NKIRAS1: variants seen among roughly 807,000 people sequenced by gnomAD.
The protein encoded by NKIRAS1 is NFKB inhibitor interacting Ras like 1.
Under a neutral mutation model 19.8 loss-of-function variants are expected in NKIRAS1, and 16 were observed. That is an observed-to-expected ratio of 0.81 (90% CI 0.55 to 1.23). NKIRAS1 has a LOEUF of 1.23. Among genes scored for constraint, NKIRAS1 ranks in the 50% most tolerant of loss-of-function variants. The probability of loss-of-function intolerance (pLI) is 0.00; values close to 1 mark genes in which losing one functional copy is unlikely to be tolerated. For missense variants in NKIRAS1, 184 were observed against 220.0 expected, an observed-to-expected ratio of 0.84 and a Z score of 1.04; for synonymous variants, 88 against 79.0, an observed-to-expected ratio of 1.11 and a Z score of -0.61.
rs368322926 is a variant in NKIRAS1 at position 23,926,252 on chromosome 3, G to A, written c.-139-14802C>T. On this transcript the variant is annotated intron_variant, in intron 1 of 4. Transcript: ENST00000421515. This position sits in a 1 kb window ranked among gnomAD's most constrained non-coding sequence, Gnocchi z 4.3. ...TTTTTAGTAGAGACAGGGTTTCGCC[G>A]TGTTGGCCAGGCTGGTCTCAAACGC... Among the ~76,000 whole-genome samples, 6 of 152,104 alleles carry A rather than the reference G, an allele frequency of 3.9e-5. No individual in the cohort carries two copies. The highest frequency in any genetic ancestry group is 9.6e-5 in the African/African-American group (4 of 41,486).
chr3:23,917,644 G>T (rs976957086), upstream of NKIRAS1: 5 of 527,454 alleles, frequency 9.5e-6, no homozygotes, highest in African/African-American at 3.9e-5. Context: ...GCCGAGCACC[G>T]CTCTGTGCTG....
At chr3:23,946,062 C>T (rs914172102) in intron 1 of NKIRAS1, 11 of 972,910 alleles carry the variant, frequency 1.1e-5, no homozygotes, top group African/African-American at 1.1e-4. Context: ...GGGAGCGCCG[C>T]AGCCTCCCGG....
chr3:23,896,064 GGCAGAGCTT>G (rs1285520103), intron 4 of NKIRAS1, among the ~76,000 whole-genome samples: 1 of 144,286 alleles, frequency 6.9e-6, no homozygotes, highest in Non-Finnish European at 1.5e-5. Flanking sequence ...GAACCCGAGA[GGCAGAGCTT>G]GCAGTGAGCC....
At chr3:23,909,840 G>A (rs1369401948) in intron 3 of NKIRAS1, among the ~76,000 whole-genome samples, 1 of 150,528 alleles carries the variant, frequency 6.6e-6, no homozygotes, top group African/African-American at 2.4e-5. Context: ...CAGCAGCTCT[G>A]CAAAGTTGTT....
intron 1 of NKIRAS1, among the ~76,000 whole-genome samples, chr3:23,915,055 C>A (rs1704189162): frequency 6.6e-6 from 1 of 152,170 alleles, no homozygotes; most frequent in South Asian, 2.1e-4. Context: ...ATCCCCCAAA[C>A]CTGTGAATAT....
upstream of NKIRAS1, chr3:23,920,294 C>T (rs536813835): frequency 3.0e-6 from 3 of 985,654 alleles, no homozygotes; most frequent in Non-Finnish European, 3.6e-6. Context: ...ATAAGTACGT[C>T]ATTCTTAGTC....
chr3:23,934,517 G>T (rs1239916313), intron 1 of NKIRAS1, among the ~76,000 whole-genome samples: 1 of 152,198 alleles, frequency 6.6e-6, no homozygotes, highest in African/African-American at 2.4e-5. Context: ...TACTGCAAAT[G>T]TGTTAAAAAT....
chr3:23,925,461 C>T (rs756138477), intron 1 of NKIRAS1, among the ~76,000 whole-genome samples: 12 of 151,976 alleles, frequency 7.9e-5, no homozygotes, highest in East Asian at 3.9e-4. Flanking sequence ...TGGCGAAACC[C>T]GTCTCTATTA....
chr3:23,918,673 C>A, upstream of NKIRAS1: 1 of 1,388,162 alleles, frequency 7.2e-7, no homozygotes, highest in Admixed American at 2.3e-5. Context: ...GGTGAGCTGT[C>A]TCGTATATAA....
At chr3:23,920,281 G>T, upstream of NKIRAS1, 1 of 985,746 alleles carries the variant, frequency 1.0e-6, no homozygotes, top group Non-Finnish European at 1.2e-6. Flanking sequence ...AAAGTAGTTG[G>T]CTATAAGTAC....
At chr3:23,929,729 C>T (rs1263992611) in intron 1 of NKIRAS1, among the ~76,000 whole-genome samples, 2 of 152,102 alleles carry the variant, frequency 1.3e-5, no homozygotes, top group East Asian at 1.9e-4. Flanking sequence ...GACATGAGCC[C>T]CTGCACCCAA....
chr3:23,946,316 T>C, intron 1 of NKIRAS1: 1 of 983,784 alleles, frequency 1.0e-6, no homozygotes, highest in Admixed American at 6.1e-5. Flanking sequence ...GGCTGGTAGC[T>C]GCATACCTTG....
chr3:23,919,771 A>T, upstream of NKIRAS1: 1 of 1,147,974 alleles, frequency 8.7e-7, no homozygotes, highest in Non-Finnish European at 1.1e-6. Context: ...CAGGCTTAAT[A>T]AATTCTTTAA....
chr3:23,940,257 G>A (rs1045169644), intron 1 of NKIRAS1, among the ~76,000 whole-genome samples: 1 of 151,460 alleles, frequency 6.6e-6, no homozygotes. Flanking sequence ...TGAGGTGGGA[G>A]CATCTCGAGC....
chr3:23,897,204 T>C (rs887976576), intron 4 of NKIRAS1, among the ~76,000 whole-genome samples: 1 of 146,444 alleles, frequency 6.8e-6, no homozygotes, highest in African/African-American at 2.5e-5. Context: ...CTGTCTGAAA[T>C]AGGGAAAAAA....
rs188359971 is a variant in NKIRAS1 at position 23,936,859 on chromosome 3, A to G, written c.-140+9464T>C. 3.3e-4 allele frequency among the ~76,000 whole-genome samples: 50 copies of G among 152,346 alleles called. No individual in the cohort carries two copies. The East Asian group carries it at 8.5e-3, about 26-fold the overall frequency. ...CTGCACTACTGCGCCCGGCTGAAAA[A>G]TTGCATTTCTAACAAGTTTTCAGGT... On this transcript the variant is annotated intron_variant, in intron 1 of 4. Transcript: ENST00000421515.
intron 1 of NKIRAS1, among the ~76,000 whole-genome samples, chr3:23,931,686 G>A (rs1394692741): frequency 6.6e-6 from 1 of 150,430 alleles, no homozygotes; most frequent in African/African-American, 2.5e-5. Context: ...ATTAGTGGAA[G>A]GGAGGAAAAA....
intron 4 of NKIRAS1, among the ~76,000 whole-genome samples, chr3:23,899,233 A>G (rs1289407494): frequency 6.6e-6 from 1 of 152,174 alleles, no homozygotes; most frequent in Admixed American, 6.5e-5. Flanking sequence ...CTTTGTGGTG[A>G]TGGAAACGTT....
Position 23,890,124 on chromosome 3 carries a change from A to G in NKIRAS1, c.*2971T>C, listed in dbSNP as rs1701345027. The stretch of plus-strand genomic sequence containing the variant: ...CTTCACAGTATTCACAATGCCGTTA[A>G]CTGGTGACATTGAGCTAAGGGTCAC... On this transcript the variant is annotated 3_prime_UTR_variant, in exon 5 of 5. Transcript: ENST00000425478. Among the ~76,000 whole-genome samples the G allele has an allele frequency of 6.6e-6, 1 of 152,178 alleles. No individual in the cohort carries two copies. The highest frequency in any genetic ancestry group is 6.5e-5 in the Admixed American group (1 of 15,282).
Sources: allele counts gnomAD v4.1 joint callset (sites outside exome capture counted in the v4.1 genomes callset), GRCh38; gene constraint gnomAD v4.1.1; non-coding constraint Gnocchi (gnomAD v3.1); transcripts MANE v1.5; gene names NCBI Gene and HGNC (gene_info 2026-07-23, HGNC 2026-07-21).